Variants in MPPED2 observed in about 807,000 individuals in gnomAD.
MPPED2 encodes the protein metallophosphoesterase MPPED2.
MPPED2 carries 5 observed loss-of-function variants against 33.0 expected under a neutral mutation model. That is an observed-to-expected ratio of 0.15 (90% confidence interval 0.08 to 0.32). The LOEUF (loss-of-function observed/expected upper bound fraction) is 0.32, where lower values mean the gene tolerates loss of function less well. Ranked by LOEUF, MPPED2 falls within the 10% of genes least tolerant of loss-of-function variation. The probability of loss-of-function intolerance (pLI) is 1.00; values close to 1 mark genes in which losing one functional copy is unlikely to be tolerated. For synonymous variants in MPPED2, 136 were observed against 141.9 expected, an observed-to-expected ratio of 0.96 and a Z score of 0.29; for missense variants, 275 against 372.1, an observed-to-expected ratio of 0.74 and a Z score of 2.15.
intron 3 of MPPED2, among the ~76,000 whole-genome samples, chr11:30,528,736 G>C (rs1299607458): frequency 6.6e-6 from 1 of 152,172 alleles, no homozygotes; most frequent in Non-Finnish European, 1.5e-5. Context: ...CAAACTACAA[G>C]TGTGTGCCAC....
At chr11:30,467,633 G>A (rs1412337955) in intron 4 of MPPED2, among the ~76,000 whole-genome samples, 2 of 152,116 alleles carry the variant, frequency 1.3e-5, no homozygotes, top group East Asian at 3.9e-4. Flanking sequence ...CATTACAAGT[G>A]CGATCTAATT....
At chr11:30,385,561 C>G (rs921965200) in exon 7 of MPPED2, 1 of 151,584 alleles carries the variant, frequency 6.6e-6, no homozygotes, top group Non-Finnish European at 1.5e-5. Flanking sequence ...CCCCCACCCC[C>G]GCCAAAAAAC....
intron 4 of MPPED2, among the ~76,000 whole-genome samples, chr11:30,491,172 T>C (rs1951965920): frequency 6.6e-6 from 1 of 152,214 alleles, no homozygotes; most frequent in African/African-American, 2.4e-5. Context: ...GTACCTATGG[T>C]ATAAGTTCTC....
chr11:30,427,991 C>G (rs1259503888), intron 4 of MPPED2, among the ~76,000 whole-genome samples: 1 of 152,140 alleles, frequency 6.6e-6, no homozygotes, highest in Non-Finnish European at 1.5e-5. Flanking sequence ...GGTTTCTTCC[C>G]TAGCTACATC....
In MPPED2 at chr11:30,423,438, G is replaced by A. The variant is rs1023273219; in HGVS notation, c.537-5805C>T. On this transcript the variant is annotated intron_variant, in intron 4 of 6. Transcript: ENST00000358117. The stretch of plus-strand genomic sequence containing the variant: ...TGGAAGCCTTGGGGCAGCTGTGCTC[G>A]GATTTGGCACAGAAGCTGTGAAGGG... Among the ~76,000 whole-genome samples the A allele has an allele frequency of 5.3e-5, 8 of 152,310 alleles. 1 individual carries two copies. The South Asian group carries it at 6.2e-4, about 12-fold the overall frequency.
At chr11:30,410,001 G>T, downstream of MPPED2, 1 of 678,824 alleles carries the variant, frequency 1.5e-6, no homozygotes, top group Non-Finnish European at 1.8e-6. Flanking sequence ...CCTAAGGCAA[G>T]ACAGATGACA....
chr11:30,500,477 G>A (rs895385957), intron 3 of MPPED2, among the ~76,000 whole-genome samples: 1 of 152,118 alleles, frequency 6.6e-6, no homozygotes. Flanking sequence ...TTAAACTGTG[G>A]ACGCAGCATG....
intron 2 of MPPED2, among the ~76,000 whole-genome samples, chr11:30,560,878 A>G (rs539304094): frequency 1.3e-5 from 2 of 152,268 alleles, no homozygotes; most frequent in Admixed American, 6.5e-5. Flanking sequence ...AAAGAAAACA[A>G]TCAGGCTGAA....
chr11:30,461,109 A>T (rs1353435005), intron 4 of MPPED2, among the ~76,000 whole-genome samples: 1 of 152,260 alleles, frequency 6.6e-6, no homozygotes, highest in African/African-American at 2.4e-5. Flanking sequence ...AATAAGCCAG[A>T]CACAAAAGGG....
chr11:30,525,650 C>T (rs937233291), intron 3 of MPPED2, among the ~76,000 whole-genome samples: 3 of 152,116 alleles, frequency 2.0e-5, no homozygotes, highest in African/African-American at 7.2e-5. Flanking sequence ...AATGGTGGCT[C>T]CAATGTGACC....
At chr11:30,389,612 T>C (rs535777650) in intron 6 of MPPED2, among the ~76,000 whole-genome samples, 2 of 152,342 alleles carry the variant, frequency 1.3e-5, no homozygotes, top group African/African-American at 4.8e-5. Context: ...ACAAATTTAA[T>C]AATCCTGAAT....
chr11:30,511,766 T>A (rs1028854465), intron 3 of MPPED2, among the ~76,000 whole-genome samples: 1 of 152,188 alleles, frequency 6.6e-6, no homozygotes, highest in African/African-American at 2.4e-5. Context: ...CAATATTTTT[T>A]AAAAATCTAC....
At chr11:30,430,583 G>C (rs1327245162) in intron 4 of MPPED2, among the ~76,000 whole-genome samples, 1 of 152,142 alleles carries the variant, frequency 6.6e-6, no homozygotes. Flanking sequence ...AGTAATCCCT[G>C]TCTAGAAATT....
intron 2 of MPPED2, among the ~76,000 whole-genome samples, chr11:30,539,226 A>G (rs924157904): frequency 1.3e-5 from 2 of 152,162 alleles, no homozygotes; most frequent in African/African-American, 4.8e-5. Flanking sequence ...CTATCTGTTC[A>G]TATTGTGTGA....
chr11:30,505,394 ATCTCTAAG>A (rs769044312), intron 3 of MPPED2, among the ~76,000 whole-genome samples: 1 of 152,200 alleles, frequency 6.6e-6, no homozygotes, highest in Non-Finnish European at 1.5e-5. Context: ...CCAACCGAGT[ATCTCTAAG>A]TTGCCACCCA....
chr11:30,414,572 A>G (rs1192979074), intron 5 of MPPED2, among the ~76,000 whole-genome samples: 17 of 147,976 alleles, frequency 1.1e-4, no homozygotes, highest in Admixed American at 1.1e-3. Context: ...GTTAATTAAC[A>G]TTTTTTTTTC....
intron 4 of MPPED2, among the ~76,000 whole-genome samples, chr11:30,425,246 T>C (rs1948781889): frequency 6.6e-6 from 1 of 152,154 alleles, no homozygotes; most frequent in Non-Finnish European, 1.5e-5. Context: ...ACACACCCGC[T>C]GTGTCCCTTT....
chr11:30,434,654 C>T (rs1197491430), intron 4 of MPPED2, among the ~76,000 whole-genome samples: 3 of 152,156 alleles, frequency 2.0e-5, no homozygotes, highest in Admixed American at 2.0e-4. Context: ...CACAGTCTAA[C>T]TCCAATAATA....
intron 4 of MPPED2, among the ~76,000 whole-genome samples, chr11:30,468,256 A>ACACTCT (rs1408746552): frequency 2.1e-5 from 3 of 142,936 alleles, no homozygotes; most frequent in African/African-American, 8.1e-5. Flanking sequence ...ACACACACAC[A>ACACTCT]CTCTCTCTCT....
Sources: gnomAD v4.1 joint callset for allele counts (sites outside exome capture counted in the v4.1 genomes callset) on GRCh38, gnomAD v4.1.1 for gene constraint, MANE v1.5 for transcripts, NCBI Gene and HGNC (gene_info 2026-07-23, HGNC 2026-07-21) for gene names.